Variants in KCNAB2 observed in about 807,000 individuals in gnomAD.
The protein encoded by KCNAB2 is voltage-gated potassium channel subunit beta-2.
Under a neutral mutation model 63.6 loss-of-function variants are expected in KCNAB2, and 29 were observed. The ratio of observed to expected loss-of-function variants is 0.46; its 90% CI spans 0.34 to 0.62. The LOEUF (loss-of-function observed/expected upper bound fraction) is 0.62. Among genes scored for constraint, KCNAB2 ranks in the 20% least tolerant of loss-of-function variants. The pLI is 0.01. For synonymous variants in KCNAB2, 222 were observed against 224.2 expected, an observed-to-expected ratio of 0.99 and a Z score of 0.09; for missense variants, 359 against 563.9, an observed-to-expected ratio of 0.64 and a Z score of 3.68.
At chr1:6,009,619 G>A (rs1658033480) in intron 1 of KCNAB2, among the ~76,000 whole-genome samples, 1 of 152,288 alleles carries the variant, frequency 6.6e-6, no homozygotes, top group East Asian at 1.9e-4. Context: ...AGTTTTAAAG[G>A]GAAAAAGAAC....
chr1:6,029,269 G>A (rs1202309178), intron 1 of KCNAB2, among the ~76,000 whole-genome samples: 1 of 139,784 alleles, frequency 7.2e-6, no homozygotes, highest in African/African-American at 2.7e-5. Flanking sequence ...GGCGACTGAA[G>A]AGACTCCATC....
Position 6,069,153 on chromosome 1 carries a change from A to G in KCNAB2, c.219-3602A>G, listed in dbSNP as rs986735789. Among the ~76,000 whole-genome samples, 1 of 152,220 alleles carries G rather than the reference A, an allele frequency of 6.6e-6. No individual in the cohort carries two copies. Among genetic ancestry groups the G allele is most frequent in the Non-Finnish European group, 1.5e-5 (1 of 68,034 alleles). ...CTTAGGGAGCCTGGAATCTCGGAGC[A>G]GGGCAGGCGTGCAAACATCATCACT... On this transcript the variant is annotated intron_variant, in intron 2 of 15. Coordinates refer to ENST00000378083, the MANE Select transcript of KCNAB2 (RefSeq NM_001199862.2). This position sits in a 1 kb window ranked among gnomAD's most constrained non-coding sequence, Gnocchi z 5.4.
chr1:6,036,615 G>A (rs1006061513), intron 1 of KCNAB2, among the ~76,000 whole-genome samples: 56 of 152,356 alleles, frequency 3.7e-4, no homozygotes, highest in African/African-American at 1.3e-3. Flanking sequence ...GGCTTGGGAT[G>A]CCCTTGAGTG....
chr1:5,994,243 C>T lies in KCNAB2; in HGVS notation c.-53+1455C>T, dbSNP rs975463856. On this transcript the variant is annotated intron_variant, in intron 1 of 16. Transcript: ENST00000341524. This position sits in a 1 kb window ranked among gnomAD's most constrained non-coding sequence, Gnocchi z 5.4. ...TAAGCTCCTGCTCTGCTAAGGAAGCCGCATTCAGGCCCCGCGTTGCAGGTT... is the reference window on the plus strand; with the variant it reads ...TAAGCTCCTGCTCTGCTAAGGAAGCTGCATTCAGGCCCCGCGTTGCAGGTT... Among the ~76,000 whole-genome samples the T allele has an allele frequency of 2.0e-5, 3 of 152,196 alleles. No homozygotes were observed. The highest frequency in any genetic ancestry group is 4.8e-5 in the African/African-American group (2 of 41,432).
intron 15 of KCNAB2, chr1:6,097,674 GGCTTGTTGAGAAGGTGGT>G (rs1217349817): frequency 1.1e-5 from 6 of 564,508 alleles, no homozygotes; most frequent in Non-Finnish European, 1.9e-5. Flanking sequence ...CTGTCAGGTG[GGCTTGTTGAGAAGGTGGT>G]GCTTGAGCAG....
chr1:6,094,687 G>A lies in KCNAB2; in HGVS notation c.732+202G>A, dbSNP rs376324572. Among the ~76,000 whole-genome samples, 213 of 152,336 alleles carry A rather than the reference G, an allele frequency of 1.4e-3. 3 individuals carry two copies. In the South Asian group the frequency reaches 0.016, roughly 12 times the overall value. On this transcript the variant is annotated intron_variant, in intron 11 of 15. Coordinates refer to ENST00000378083, the MANE Select transcript of KCNAB2 (RefSeq NM_001199862.2). ...ACGGGGATTCTGCATGGATCCCAGC[G>A]CTGTGTGGCCCTGGACAAATGGCTT...
chr1:6,065,428 C>T (rs1010606487), intron 2 of KCNAB2, among the ~76,000 whole-genome samples: 13 of 152,336 alleles, frequency 8.5e-5, no homozygotes, highest in East Asian at 3.9e-4. Flanking sequence ...GAGCCTCAGC[C>T]GCCCACAGCG....
rs61760773 is a variant in KCNAB2, at chr1:6,008,248, A to G, written c.-53+15460A>G. ...GGCAGAAAGGACCCGCCCCCCCATC[A>G]CCCTGACAGTGGCTTGCATGCCCAA... On this transcript the variant is annotated intron_variant, in intron 1 of 16. Transcript: ENST00000341524. Among the ~76,000 whole-genome samples the G allele has an allele frequency of 9.7e-3, 1,480 of 152,076 alleles. 31 individuals are homozygous for G. Among genetic ancestry groups the G allele is most frequent in the Non-Finnish European group, 0.012 (819 of 67,970 alleles).
intron 10 of KCNAB2, 33 bp from the exon 11 acceptor site, chr1:6,094,367 C>T: frequency 1.9e-6 from 3 of 1,570,624 alleles, no homozygotes; most frequent in Middle Eastern, 1.7e-4. Context: ...CCTGGCTGCC[C>T]CCCACCTGCG....
rs866425722 is a variant in KCNAB2, at chr1:6,028,923, G to A, written c.-52-11594G>A. On this transcript the variant is annotated intron_variant, in intron 1 of 16. Coordinates refer to the KCNAB2 transcript ENST00000341524. The surrounding 1 kb of genome is among the most constrained non-coding windows in gnomAD (Gnocchi z 4.0). The stretch of plus-strand genomic sequence containing the variant: ...AACCTTTGAGCTTCCAGGATGATTC[G>A]GAATTTGGATGCAGCCACAGAAAGC... 5.3e-5 allele frequency among the ~76,000 whole-genome samples: 8 copies of A among 152,322 alleles called. No individual in the cohort carries two copies. The highest frequency in any genetic ancestry group is 3.4e-3 in the Middle Eastern group (1 of 294).
chr1:6,015,490 G>A (rs976301881), intron 1 of KCNAB2, among the ~76,000 whole-genome samples: 4 of 152,190 alleles, frequency 2.6e-5, no homozygotes, highest in Non-Finnish European at 2.9e-5. Flanking sequence ...AATCGTAATC[G>A]AGATGGACTG....
chr1:6,005,940 C>T (rs958907603), intron 1 of KCNAB2, among the ~76,000 whole-genome samples: 23 of 98,798 alleles, frequency 2.3e-4, no homozygotes, highest in Admixed American at 3.7e-4. Flanking sequence ...TCCACCCTCA[C>T]CCCTCAGCTC....
At chr1:6,076,821 A>G (rs1036804596) in intron 4 of KCNAB2, among the ~76,000 whole-genome samples, 1 of 152,178 alleles carries the variant, frequency 6.6e-6, no homozygotes, top group Admixed American at 6.5e-5. Flanking sequence ...ACTGGAAGGA[A>G]CCAAAAAGTC....
chr1:6,082,112 C>T, intron 4 of KCNAB2, 83 bp from the exon 5 acceptor site: 2 of 1,208,500 alleles, frequency 1.7e-6, no homozygotes, highest in Admixed American at 1.7e-5. Context: ...CACGGGGAGG[C>T]CTCCCAGGCC....
At chr1:6,030,735 TTTATGTGTGTATATGTGTGTATGTGTAC>T (rs1224541234), upstream of KCNAB2, among the ~76,000 whole-genome samples, 1 of 151,592 alleles carries the variant, frequency 6.6e-6, no homozygotes, top group Non-Finnish European at 1.5e-5. Flanking sequence ...TTTATGTGTG[TTTATGTGTGTATATGTGTGTATGTGTAC>T]GTGTGTGTAG....
intron 1 of KCNAB2, among the ~76,000 whole-genome samples, chr1:6,018,427 A>T (rs920007936): frequency 6.6e-6 from 1 of 152,030 alleles, no homozygotes; most frequent in African/African-American, 2.4e-5. Context: ...TGATGGTATT[A>T]AGAGGTGGGG....
In KCNAB2 at chr1:6,098,681, A is replaced by AG; in HGVS notation, c.*107_*108insG. 1 of 1,344,920 alleles carries AG rather than the reference A, an allele frequency of 7.4e-7. No individual in the cohort carries two copies. 83.3% of individuals were successfully genotyped at this position (1,344,920 alleles called of 1,614,324 possible). On this transcript the variant is annotated 3_prime_UTR_variant, in exon 16 of 16. Transcript: ENST00000378083. Reference sequence around the variant, plus strand: ...GAAGAGTGTGGTTTGCATCCAAGAGAAAACACCACACTGTGATGTCATCGG... The same window carrying AG: ...GAAGAGTGTGGTTTGCATCCAAGAGAGAAACACCACACTGTGATGTCATCGG...
rs772422878 is a variant in KCNAB2, at chr1:6,051,551, G to T, written c.15G>T (p.Thr5=). 12 of 1,530,710 alleles carry T rather than the reference G, an allele frequency of 7.8e-6. No homozygotes were observed. The highest frequency in any genetic ancestry group is 1.0e-5 in the Non-Finnish European group (12 of 1,143,146). 94.8% of individuals were successfully genotyped at this position (1,530,710 alleles called of 1,614,324 possible). ...CAGGCGGCACCATGCTGTCCATGAC[G>T]TACAGCGAGAGTCTGCGGAGCGTGA... MLSM[T]YSESLRSVSS... is the part of the protein sequence containing the mutation. Residue 5 remains threonine (T), a synonymous_variant, in exon 2 of 16, where the codon ACG becomes ACT. Transcript: ENST00000378083.
chr1:6,016,145 A>ATTCTGCTG (rs1658481279), intron 1 of KCNAB2, among the ~76,000 whole-genome samples: 1 of 152,210 alleles, frequency 6.6e-6, no homozygotes, highest in Admixed American at 6.5e-5. Context: ...CATTCCAGCC[A>ATTCTGCTG]CCAGCACCCA....
Sources: gnomAD v4.1 joint callset for allele counts (sites outside exome capture counted in the v4.1 genomes callset) on GRCh38, gnomAD v4.1.1 for gene constraint, Gnocchi (gnomAD v3.1) non-coding constraint, MANE v1.5 for transcripts, NCBI Gene and HGNC (gene_info 2026-07-23, HGNC 2026-07-21) for gene names.